The following IL1RAPL2 variants were observed in gnomAD, a reference collection of about 807,000 sequenced individuals.
IL1RAPL2 encodes X-linked interleukin-1 receptor accessory protein-like 2.
In IL1RAPL2, 3 loss-of-function variants were observed where a neutral mutation model predicts 44.1. That is an observed-to-expected ratio of 0.07 (90% CI 0.03 to 0.18). IL1RAPL2 has a LOEUF of 0.18. IL1RAPL2 is among the 10% of genes least tolerant of loss of function. The probability of loss-of-function intolerance (pLI) is 1.00; values close to 1 mark genes in which losing one functional copy is unlikely to be tolerated. For synonymous variants in IL1RAPL2, 181 were observed against 178.8 expected, an observed-to-expected ratio of 1.01 and a Z score of -0.10; for missense variants, 391 against 496.4, an observed-to-expected ratio of 0.79 and a Z score of 2.02.
At chrX:104,889,900 T>C (rs1255922108) in intron 2 of IL1RAPL2, among the ~76,000 whole-genome samples, 1 of 111,455 alleles carries the variant, frequency 9.0e-6, no homozygotes, top group Non-Finnish European at 1.9e-5. Flanking sequence ...GCTGCACCTA[T>C]TAAGTCGTCA....
chrX:104,609,756 T>G (rs1269425657), intron 1 of IL1RAPL2, among the ~76,000 whole-genome samples: 1 of 111,983 alleles, frequency 8.9e-6, no homozygotes, highest in African/African-American at 3.3e-5. Flanking sequence ...TCCTCTAACC[T>G]TTTTTCAAGG....
At chrX:105,542,561 C>T (rs2036747021) in intron 6 of IL1RAPL2, among the ~76,000 whole-genome samples, 1 of 111,089 alleles carries the variant, frequency 9.0e-6, no homozygotes, top group Admixed American at 9.6e-5. Flanking sequence ...TCCTTTCTTC[C>T]CCTTTCCCAG....
chrX:104,875,251 C>A (rs963791650), intron 2 of IL1RAPL2, among the ~76,000 whole-genome samples: 1 of 111,314 alleles, frequency 9.0e-6, no homozygotes, highest in African/African-American at 3.3e-5. Flanking sequence ...AGAGACACTA[C>A]AATCCTATGG....
rs1931194945 is a variant in IL1RAPL2 at position 104,697,109 on chromosome X, C to T, written c.82+38114C>T. On this transcript the variant is annotated intron_variant, in intron 2 of 10. Transcript: ENST00000372582. ...ATATGTTGCTTTTTAATAATGAGCT[C>T]CCCTAACACATTTAAGACAGAATTC... 1.8e-5 allele frequency among the ~76,000 whole-genome samples: 2 copies of T among 112,460 alleles called. 1 individual carries two copies. Among genetic ancestry groups the T allele is most frequent in the Admixed American group, 1.9e-4 (2 of 10,646 alleles).
At chrX:104,654,202 C>T (rs1930208399) in intron 1 of IL1RAPL2, among the ~76,000 whole-genome samples, 3 of 110,834 alleles carry the variant, frequency 2.7e-5, no homozygotes. Flanking sequence ...GCTTGAGACT[C>T]AATACTGTTC....
chrX:105,076,929 A>G (rs181107725), intron 2 of IL1RAPL2, among the ~76,000 whole-genome samples: 61 of 110,231 alleles, frequency 5.5e-4, no homozygotes, highest in African/African-American at 2.0e-3. Flanking sequence ...TTTTGAGTCT[A>G]TGTGTGTCTC....
intron 6 of IL1RAPL2, among the ~76,000 whole-genome samples, chrX:105,496,822 C>T (rs1041327510): frequency 1.8e-5 from 2 of 111,652 alleles, no homozygotes; most frequent in Non-Finnish European, 3.8e-5. Flanking sequence ...AAATTTATAG[C>T]AGGGATGATG....
intron 5 of IL1RAPL2, among the ~76,000 whole-genome samples, chrX:105,416,935 G>A (rs991479299): frequency 8.9e-6 from 1 of 112,149 alleles, no homozygotes; most frequent in East Asian, 2.8e-4. Context: ...ACACCTAGGC[G>A]ACAGTATTTT....
chrX:105,030,121 G>C (rs1322498118), intron 2 of IL1RAPL2, among the ~76,000 whole-genome samples: 2 of 109,911 alleles, frequency 1.8e-5, no homozygotes. Flanking sequence ...TAAATTTGTT[G>C]TTCATTGTAG....
chrX:105,589,620 ATT>A (rs1180765607), intron 6 of IL1RAPL2, among the ~76,000 whole-genome samples: 1 of 111,074 alleles, frequency 9.0e-6, no homozygotes, highest in African/African-American at 3.3e-5. Context: ...TCCCAGCAGC[ATT>A]TTTTGAATAG....
rs1417957376 is a variant in IL1RAPL2, at chrX:105,082,505, G to A, written c.83-112970G>A. On this transcript the variant is annotated intron_variant, in intron 2 of 10. Coordinates refer to ENST00000372582, the MANE Select transcript of IL1RAPL2 (RefSeq NM_017416.2). ...CTATGATCTCGGGTATACTGAATGG[G>A]AGATACCTCCCAGTAGGAGCCGACA... 2.7e-5 allele frequency among the ~76,000 whole-genome samples: 3 copies of A among 111,364 alleles called. No individual in the cohort carries two copies. In the East Asian group the frequency reaches 8.5e-4, roughly 32 times the overall value.
intron 5 of IL1RAPL2, among the ~76,000 whole-genome samples, chrX:105,288,717 C>T (rs1192295407): frequency 1.8e-5 from 2 of 109,759 alleles, no homozygotes; most frequent in Non-Finnish European, 3.8e-5. Context: ...CAGTAAATCT[C>T]CTTCACCCCA....
At chrX:105,745,499 TC>T (rs1433081902) in intron 8 of IL1RAPL2, among the ~76,000 whole-genome samples, 1 of 111,465 alleles carries the variant, frequency 9.0e-6, no homozygotes, top group African/African-American at 3.3e-5. Flanking sequence ...AAGACCAAGA[TC>T]AAGGTACTAA....
intron 1 of IL1RAPL2, among the ~76,000 whole-genome samples, chrX:104,646,562 G>A (rs1033392729): frequency 1.8e-5 from 2 of 111,121 alleles, no homozygotes; most frequent in African/African-American, 6.5e-5. Flanking sequence ...TTTAGATTAT[G>A]CTATTGTAAT....
chrX:105,632,927 T>C (rs1032322411), intron 6 of IL1RAPL2, among the ~76,000 whole-genome samples: 4 of 112,094 alleles, frequency 3.6e-5, no homozygotes, highest in African/African-American at 1.3e-4. Context: ...CCAGTTTATC[T>C]TCTTTGCTGC....
At chrX:105,144,543 T>C (rs5916873) in intron 2 of IL1RAPL2, among the ~76,000 whole-genome samples, 57,603 of 110,009 alleles carry the variant, frequency 0.52, 13,060 homozygotes, top group East Asian at 0.75. Flanking sequence ...GACTAGGCCT[T>C]AGTAACTATC....
chrX:104,642,034 C>A (rs1929944127), intron 1 of IL1RAPL2, among the ~76,000 whole-genome samples: 1 of 111,316 alleles, frequency 9.0e-6, no homozygotes, highest in Non-Finnish European at 1.9e-5. Flanking sequence ...GGGGTTCTCC[C>A]ATAGCCAAGA....
chrX:104,752,312 A>AGG (rs1449585513), intron 2 of IL1RAPL2, among the ~76,000 whole-genome samples: 1 of 109,784 alleles, frequency 9.1e-6, no homozygotes, highest in African/African-American at 3.3e-5. Flanking sequence ...AGAGAGAGAG[A>AGG]GGCTCTAATT....
intron 2 of IL1RAPL2, among the ~76,000 whole-genome samples, chrX:104,809,036 C>G (rs919586005): frequency 8.9e-6 from 1 of 111,905 alleles, no homozygotes; most frequent in African/African-American, 3.3e-5. Flanking sequence ...GGGCTTCACA[C>G]AGTTCCTGAG....
Sources: gnomAD v4.1 joint callset for allele counts (sites outside exome capture counted in the v4.1 genomes callset) on GRCh38, gnomAD v4.1.1 for gene constraint, MANE v1.5 for transcripts, NCBI Gene and HGNC (gene_info 2026-07-23, HGNC 2026-07-21) for gene names.